Variants in ABL1 observed in about 807,000 individuals in gnomAD.
ABL1 encodes tyrosine-protein kinase ABL1.
In ABL1, 11 loss-of-function variants were observed where a neutral mutation model predicts 94.7. The observed-to-expected ratio is 0.12, with a 90% confidence interval of 0.07 to 0.19. The LOEUF (loss-of-function observed/expected upper bound fraction) is 0.19, where lower values mean the gene tolerates loss of function less well. Ranked by LOEUF, ABL1 falls within the 10% of genes least tolerant of loss-of-function variation. The probability of loss-of-function intolerance (pLI) is 1.00; values close to 1 mark genes in which losing one functional copy is unlikely to be tolerated. For synonymous variants in ABL1, 656 were observed against 622.4 expected, an observed-to-expected ratio of 1.05 and a Z score of -0.80; for missense variants, 1,082 against 1,489.4, an observed-to-expected ratio of 0.73 and a Z score of 4.50.
At chr9:130,719,267 G>A (rs1041439743) in intron 1 of ABL1, among the ~76,000 whole-genome samples, 1 of 152,154 alleles carries the variant, frequency 6.6e-6, no homozygotes, top group Non-Finnish European at 1.5e-5. Context: ...GGTGGCTCAT[G>A]CCTATAATCC....
intron 1 of ABL1, among the ~76,000 whole-genome samples, chr9:130,812,300 A>G (rs1192985027): frequency 6.6e-6 from 1 of 151,818 alleles, no homozygotes; most frequent in African/African-American, 2.4e-5. Flanking sequence ...GTTTGAGGCT[A>G]CAGTGAGCTC....
chr9:130,717,501 C>G (rs181599755), intron 1 of ABL1, among the ~76,000 whole-genome samples: 3 of 151,420 alleles, frequency 2.0e-5, no homozygotes, highest in African/African-American at 7.3e-5. Flanking sequence ...GTCAGGAGTT[C>G]GAACCCAGCT....
intron 1 of ABL1, among the ~76,000 whole-genome samples, chr9:130,819,386 A>G (rs945021616): frequency 1.3e-5 from 2 of 151,396 alleles, no homozygotes; most frequent in African/African-American, 2.4e-5. Context: ...GACAAAATAA[A>G]TTTTCTCATC....
rs754840161 is a variant in ABL1, at chr9:130,887,487, A to T, written c.*1804A>T. 7.7e-5 allele frequency: 18 copies of T among 233,236 alleles called. No homozygotes were observed. The highest frequency in any genetic ancestry group is 3.7e-4 in the African/African-American group (17 of 45,364). 14.4% of individuals were successfully genotyped at this position (233,236 alleles called of 1,614,324 possible). ...ACGTATCTCTTGGTATGCATCTTTT[A>T]TAGACGCTCTTTTCTAAGTGGCGTG... is the stretch of plus-strand genomic sequence containing the variant. On this transcript the variant is annotated 3_prime_UTR_variant, in exon 11 of 11. Coordinates refer to ENST00000318560, the MANE Select transcript of ABL1 (RefSeq NM_005157.6).
intron 1 of ABL1, among the ~76,000 whole-genome samples, chr9:130,745,895 C>A (rs1229607242): frequency 2.0e-5 from 3 of 151,144 alleles, no homozygotes; most frequent in African/African-American, 7.3e-5. Context: ...CATTGTGTGT[C>A]AAACCAGCCC....
At chr9:130,716,658 T>C (rs1831445055) in intron 1 of ABL1, among the ~76,000 whole-genome samples, 1 of 152,146 alleles carries the variant, frequency 6.6e-6, no homozygotes, top group Non-Finnish European at 1.5e-5. Context: ...CTAAAAAGTG[T>C]ATGAAGGAAT....
chr9:130,845,383 C>T (rs1008381542), intron 1 of ABL1, among the ~76,000 whole-genome samples: 2 of 151,850 alleles, frequency 1.3e-5, no homozygotes, highest in African/African-American at 2.4e-5. Context: ...GCTCTGTTGC[C>T]CAGGCTGGAG....
rs767555071 is a variant in ABL1, at chr9:130,885,157, A to G, written c.2867A>G (p.Lys956Arg). The G allele has an allele frequency of 8.1e-6, 13 of 1,613,068 alleles. No individual in the cohort carries two copies. The highest frequency in any genetic ancestry group is 1.6e-4 in the Middle Eastern group (1 of 6,082). Residue 956 changes from lysine (K) to arginine (R), a missense_variant, in exon 11 of 11, where the codon AAA becomes AGA. By Grantham distance (26) the Lys-to-Arg change is conservative. Transcript: ENST00000318560. ...CCCAGCCAGCCGGGAGAGGGCCTCA[A>G]AAAGCCCGTGCTCCCGGCCACTCCA... ...AKPSQPGEGL[K>R]KPVLPATPKP... is the part of the protein sequence containing the mutation.
At chr9:130,777,250 C>T (rs1289644180) in intron 1 of ABL1, among the ~76,000 whole-genome samples, 1 of 152,214 alleles carries the variant, frequency 6.6e-6, no homozygotes, top group Non-Finnish European at 1.5e-5. Context: ...CCTGGTTGTC[C>T]ATTCATGCTT....
At chr9:130,762,523 G>A (rs1832129252) in intron 1 of ABL1, among the ~76,000 whole-genome samples, 1 of 152,102 alleles carries the variant, frequency 6.6e-6, no homozygotes, top group East Asian at 1.9e-4. Flanking sequence ...GTGTCTGATC[G>A]AGTCCATCAC....
chr9:130,811,843 C>G (rs1830210607), intron 1 of ABL1, among the ~76,000 whole-genome samples: 1 of 132,242 alleles, frequency 7.6e-6, no homozygotes, highest in Non-Finnish European at 1.5e-5. Flanking sequence ...ACCCAGGAGG[C>G]AGAGGTTGCA....
intron 1 of ABL1, among the ~76,000 whole-genome samples, chr9:130,741,442 T>C (rs970678189): frequency 6.6e-6 from 1 of 151,660 alleles, no homozygotes; most frequent in African/African-American, 2.4e-5. Context: ...ACCGCACTGA[T>C]GCACCAGTTA....
intron 1 of ABL1, among the ~76,000 whole-genome samples, chr9:130,847,808 A>ATG (rs1830796488): frequency 6.6e-6 from 1 of 152,150 alleles, no homozygotes; most frequent in Non-Finnish European, 1.5e-5. Context: ...TTCCTTCCTA[A>ATG]CAAAGGCCTC....
intron 1 of ABL1, among the ~76,000 whole-genome samples, chr9:130,840,076 C>G (rs1830648295): frequency 6.6e-6 from 1 of 152,136 alleles, no homozygotes; most frequent in Non-Finnish European, 1.5e-5. Flanking sequence ...GAACAAGAGC[C>G]TAGCAGAAAA....
chr9:130,879,570 T>A (rs1359093051), intron 8 of ABL1, among the ~76,000 whole-genome samples: 1 of 152,232 alleles, frequency 6.6e-6, no homozygotes, highest in Non-Finnish European at 1.5e-5. Flanking sequence ...TTTGATACAT[T>A]TTACCAAACT....
At chr9:130,717,877 G>T (rs796548277) in intron 1 of ABL1, among the ~76,000 whole-genome samples, 2 of 152,226 alleles carry the variant, frequency 1.3e-5, no homozygotes, top group African/African-American at 4.8e-5. Flanking sequence ...GCCGGGCGTG[G>T]TGGCACATGC....
intron 1 of ABL1, among the ~76,000 whole-genome samples, chr9:130,771,752 C>CTTTCTTTCTTTCTTTCTTTT (rs530081755): frequency 5.6e-5 from 6 of 106,902 alleles, no homozygotes; most frequent in African/African-American, 2.1e-4. Context: ...TTCTTTCTTT[C>CTTTCTTTCTTTCTTTCTTTT]TTTTTTTTTT....
intron 1 of ABL1, among the ~76,000 whole-genome samples, chr9:130,719,901 A>G (rs57802226): frequency 0.039 from 5,921 of 152,286 alleles, 387 homozygotes; most frequent in African/African-American, 0.14. Flanking sequence ...AGAATCATTC[A>G]GGGTCAAAGG....
At chr9:130,753,298 A>G (rs1831991685) in intron 1 of ABL1, among the ~76,000 whole-genome samples, 2 of 151,906 alleles carry the variant, frequency 1.3e-5, no homozygotes, top group Non-Finnish European at 2.9e-5. Context: ...TGTGCTGCAG[A>G]GGTGAACTTG....
Sources: allele counts gnomAD v4.1 joint callset (sites outside exome capture counted in the v4.1 genomes callset), GRCh38; gene constraint gnomAD v4.1.1; transcripts MANE v1.5; gene names NCBI Gene and HGNC (gene_info 2026-07-23, HGNC 2026-07-21).